The following SPAG17 variants were observed in gnomAD, a reference collection of about 807,000 sequenced individuals.
SPAG17 encodes the protein sperm-associated antigen 17.
A neutral mutation model predicts 273.6 loss-of-function variants in SPAG17; 169 were observed. The observed-to-expected ratio is 0.62, with a 90% CI of 0.55 to 0.70. The LOEUF (loss-of-function observed/expected upper bound fraction) is 0.70, where lower values mean the gene tolerates loss of function less well. SPAG17 is among the 30% of genes least tolerant of loss of function. SPAG17 has a pLI of 0.00. For missense variants in SPAG17, 2,557 were observed against 2,627.8 expected (o/e 0.97, Z 0.59); for synonymous variants, 825 against 873.2 (o/e 0.94, Z 0.97).
At position 117,984,692 on chromosome 1, in the gene SPAG17, A is replaced by G. The variant is rs377454657; in HGVS notation, c.5760T>C (p.Tyr1920=). ...CATTATATTCAATTACCTGAGACTG[A>G]TATAACTGGTTCAATTCAGATTTAA... is the stretch of plus-strand genomic sequence containing the variant. ...PFFKSELNQL[Y]QSQYNHLDSL... Residue 1920 remains tyrosine (Y), a synonymous_variant, in exon 41 of 49, where the codon TAT becomes TAC. Coordinates refer to ENST00000336338, the MANE Select transcript of SPAG17 (RefSeq NM_206996.4). The G allele has an allele frequency of 2.4e-5, 39 of 1,592,310 alleles. No homozygotes were observed. The highest frequency in any genetic ancestry group is 3.4e-5 in the Non-Finnish European group (39 of 1,161,356).
intron 13 of SPAG17, among the ~76,000 whole-genome samples, chr1:118,082,085 A>T (rs1005791854): frequency 6.6e-6 from 1 of 152,218 alleles, no homozygotes. Context: ...ATTTGGGCTC[A>T]GGAAAGGCTT....
Position 117,991,425 on chromosome 1 carries a change from T to C in SPAG17, c.5465A>G (p.Lys1822Arg). The C allele has an allele frequency of 6.2e-7, 1 of 1,600,494 alleles. No homozygotes were observed. The highest frequency in any genetic ancestry group is 8.5e-7 in the Non-Finnish European group (1 of 1,171,852). Residue 1822 changes from lysine to arginine, a missense_variant, in exon 37 of 49, where the codon AAG becomes AGG. Transcript: ENST00000336338. ...AAGGCATTTTCTCACCATAACCAGC[T>C]TGAGGAGATCAGCAGCATTGCCTCT... is the stretch of plus-strand genomic sequence containing the variant. The part of the protein sequence containing the change: ...EERGNAADLL[K>R]LVMSFPKMEE...
intron 27 of SPAG17, among the ~76,000 whole-genome samples, chr1:118,023,769 C>A (rs1010424322): frequency 1.3e-5 from 2 of 152,020 alleles, no homozygotes; most frequent in Non-Finnish European, 2.9e-5. Context: ...CCATTCTTCA[C>A]CTTTCTCCTT....
chr1:118,164,402 A>G (rs1313944282), intron 1 of SPAG17, among the ~76,000 whole-genome samples: 1 of 82,452 alleles, frequency 1.2e-5, no homozygotes, highest in Non-Finnish European at 2.7e-5. Context: ...TCATTCTACT[A>G]AATTTGTCAG....
intron 48 of SPAG17, chr1:117,954,599 C>T (rs1651890080): frequency 1.2e-6 from 2 of 1,612,336 alleles, no homozygotes; most frequent in African/African-American, 1.3e-5. Flanking sequence ...CCCAGCAACC[C>T]CATCCTAATG....
At chr1:118,151,403 A>C in intron 1 of SPAG17, 34 bp from the exon 2 acceptor site, 1 of 1,579,518 alleles carries the variant, frequency 6.3e-7, no homozygotes, top group South Asian at 1.2e-5. Flanking sequence ...GATTTTAAAT[A>C]TTCCTGAATA....
At chr1:118,000,265 C>T (rs1226021242) in intron 32 of SPAG17, among the ~76,000 whole-genome samples, 2 of 152,132 alleles carry the variant, frequency 1.3e-5, no homozygotes, top group African/African-American at 4.8e-5. Context: ...ATGATGCCTC[C>T]AGCTTTGTTC....
intron 4 of SPAG17, among the ~76,000 whole-genome samples, chr1:118,110,992 AACTCAGAATAAT>A (rs1397022940): frequency 6.6e-6 from 1 of 152,196 alleles, no homozygotes; most frequent in African/African-American, 2.4e-5. Context: ...CCCATCTGCA[AACTCAGAATAAT>A]ACTCTGTACC....
intron 18 of SPAG17, among the ~76,000 whole-genome samples, chr1:118,066,397 C>G (rs1263961861): frequency 6.6e-6 from 1 of 152,084 alleles, no homozygotes; most frequent in African/African-American, 2.4e-5. Context: ...TTAAAAAAAC[C>G]CAACATGCAG....
intron 4 of SPAG17, among the ~76,000 whole-genome samples, chr1:118,111,375 T>C (rs1181202936): frequency 3.3e-5 from 5 of 152,050 alleles, no homozygotes; most frequent in Non-Finnish European, 5.9e-5. Flanking sequence ...AAGAATTCCA[T>C]CCAGTTAGTG....
intron 3 of SPAG17, among the ~76,000 whole-genome samples, chr1:118,124,328 A>G (rs968427570): frequency 6.6e-6 from 1 of 152,068 alleles, no homozygotes; most frequent in Non-Finnish European, 1.5e-5. Flanking sequence ...CGTTTTTTGT[A>G]TATTTCCTAA....
In SPAG17 at chr1:118,126,043, GT is replaced by G. The variant is rs33966143; in HGVS notation, c.316-10603del. 1.0e-3 allele frequency among the ~76,000 whole-genome samples: 137 copies of G among 136,726 alleles called. 2 individuals are homozygous for G. Among genetic ancestry groups the G allele is most frequent in the African/African-American group, 3.4e-3 (126 of 36,752 alleles). 89.7% of individuals were successfully genotyped at this position (136,726 alleles called of 152,430 possible). ...TCCTCACCAGCCTCTGTTATTTTCT[GT>G]TTTTTTTTTTTTTTGATAATAGCCA... On this transcript the variant is annotated intron_variant, in intron 3 of 48. Transcript: ENST00000336338.
chr1:117,975,883 TG>T (rs1655078715), intron 43 of SPAG17, among the ~76,000 whole-genome samples: 1 of 152,206 alleles, frequency 6.6e-6, no homozygotes, highest in African/African-American at 2.4e-5. Context: ...AGTACTAATT[TG>T]TTGCTCATAC....
At chr1:117,963,644 G>A in intron 48 of SPAG17, 155 bp downstream of exon 48, 1 of 602,950 alleles carries the variant, frequency 1.7e-6, no homozygotes, top group Non-Finnish European at 2.7e-6. Flanking sequence ...GATTACAGGT[G>A]TGAGCCACCG....
chr1:118,026,664 A>G (rs2101857603), intron 26 of SPAG17, among the ~76,000 whole-genome samples: 1 of 152,294 alleles, frequency 6.6e-6, no homozygotes, highest in African/African-American at 2.4e-5. Context: ...GCAAGTTATA[A>G]CTTTGGAAGA....
At chr1:118,029,232 C>G (rs1648140809) in intron 25 of SPAG17, among the ~76,000 whole-genome samples, 1 of 152,070 alleles carries the variant, frequency 6.6e-6, no homozygotes, top group Non-Finnish European at 1.5e-5. Context: ...AGAAGTCCAT[C>G]TTAAATAAAA....
In SPAG17 at chr1:118,178,858, G is replaced by T. The variant is rs186443830; in HGVS notation, c.87+6213C>A. Reference sequence around the variant, plus strand: ...AAAAATCAATAAAGTAAGCCCATTTGCAGTAGTGATAAAATGCCTAGGAAT... The same window carrying T: ...AAAAATCAATAAAGTAAGCCCATTTTCAGTAGTGATAAAATGCCTAGGAAT... On this transcript the variant is annotated intron_variant, in intron 1 of 48. Coordinates refer to ENST00000336338, the MANE Select transcript of SPAG17 (RefSeq NM_206996.4). Among the ~76,000 whole-genome samples, 63 of 151,922 alleles carry T rather than the reference G, an allele frequency of 4.1e-4. No individual in the cohort carries two copies. The East Asian group carries it at 0.012, about 28-fold the overall frequency.
rs758860777 is a variant in SPAG17, at chr1:117,970,089, G to A, written c.6354C>T (p.Ser2118=). 10 of 1,613,226 alleles carry A rather than the reference G, an allele frequency of 6.2e-6. No homozygotes were observed. Among genetic ancestry groups the A allele is most frequent in the Non-Finnish European group, 6.8e-6 (8 of 1,179,710 alleles). The change falls in exon 46 of 49, where the codon AGC becomes AGT. Residue 2118 remains serine, a synonymous_variant. Coordinates refer to ENST00000336338, the MANE Select transcript of SPAG17 (RefSeq NM_206996.4). ...CRFKVKQPPP[S]TGLKVTYKPG... Reference sequence around the variant, plus strand: ...GTTTGTAAGTCACTTTCAGTCCTGTGCTGGGTGGGGGCTGCTTTACTTTAA... The same window carrying A: ...GTTTGTAAGTCACTTTCAGTCCTGTACTGGGTGGGGGCTGCTTTACTTTAA...
At chr1:118,075,820 G>A (rs554285254) in intron 15 of SPAG17, among the ~76,000 whole-genome samples, 20 of 152,158 alleles carry the variant, frequency 1.3e-4, no homozygotes, top group African/African-American at 4.8e-4. Context: ...TCTCTGGTAT[G>A]CTTTGCCCTT....
Sources: gnomAD v4.1 joint callset for allele counts (sites outside exome capture counted in the v4.1 genomes callset) on GRCh38, gnomAD v4.1.1 for gene constraint, MANE v1.5 for transcripts, NCBI Gene and HGNC (gene_info 2026-07-23, HGNC 2026-07-21) for gene names.